GALNT18: variants seen among roughly 807,000 people sequenced by gnomAD.
The protein encoded by GALNT18 is polypeptide N-acetylgalactosaminyltransferase 18.
GALNT18 carries 44 observed loss-of-function variants against 69.5 expected under a neutral mutation model. That is an observed-to-expected ratio of 0.63 (90% CI 0.50 to 0.81). The LOEUF (loss-of-function observed/expected upper bound fraction) is 0.81, where lower values mean the gene tolerates loss of function less well. Ranked by LOEUF, GALNT18 falls within the 40% of genes least tolerant of loss-of-function variation. The pLI is 0.00. For synonymous variants in GALNT18, 364 were observed against 318.2 expected (o/e 1.14, Z -1.53); for missense variants, 715 against 810.0 (o/e 0.88, Z 1.42).
chr11:11,335,271 A>T (rs1404984224), intron 7 of GALNT18, among the ~76,000 whole-genome samples: 1 of 152,204 alleles, frequency 6.6e-6, no homozygotes, highest in Non-Finnish European at 1.5e-5. Flanking sequence ...AGGAAGCTCA[A>T]GAACTAGCCC....
chr11:11,544,582 C>T (rs1858004130), intron 1 of GALNT18, among the ~76,000 whole-genome samples: 1 of 152,194 alleles, frequency 6.6e-6, no homozygotes, highest in Non-Finnish European at 1.5e-5. Flanking sequence ...TTCTAGGATA[C>T]ATGTGCAGAA....
intron 3 of GALNT18, among the ~76,000 whole-genome samples, chr11:11,403,252 C>T (rs1010392276): frequency 6.6e-6 from 1 of 152,146 alleles, no homozygotes; most frequent in African/African-American, 2.4e-5. Context: ...ATCACATTTC[C>T]GATATGGGGT....
intron 6 of GALNT18, among the ~76,000 whole-genome samples, chr11:11,358,104 A>G (rs1850568593): frequency 1.1e-5 from 1 of 91,210 alleles, no homozygotes; most frequent in East Asian, 2.0e-4. Flanking sequence ...TCCAATTTTA[A>G]AATCTCTTCT....
chr11:11,303,003 C>T (rs1849523935), intron 9 of GALNT18, among the ~76,000 whole-genome samples: 2 of 152,212 alleles, frequency 1.3e-5, no homozygotes, highest in Non-Finnish European at 2.9e-5. Flanking sequence ...AAACCCATCC[C>T]ATTCACTTTG....
At position 11,387,496 on chromosome 11, in the gene GALNT18, T is replaced by C. The variant is rs1212459680; in HGVS notation, c.596-8232A>G. 2.0e-5 allele frequency among the ~76,000 whole-genome samples: 3 copies of C among 152,208 alleles called. No individual in the cohort carries two copies. Among genetic ancestry groups the C allele is most frequent in the Admixed American group, 6.5e-5 (1 of 15,284 alleles). ...ACTGACAAGTGCAATTAATTGCTTG[T>C]CTCCAATGGTGCTAATTTAAAGATT... On this transcript the variant is annotated intron_variant, in intron 3 of 10. Transcript: ENST00000227756. The surrounding 1 kb of genome is among the most constrained non-coding windows in gnomAD (Gnocchi z 4.6).
chr11:11,491,105 C>T (rs1856762342), intron 1 of GALNT18, among the ~76,000 whole-genome samples: 1 of 152,066 alleles, frequency 6.6e-6, no homozygotes, highest in Non-Finnish European at 1.5e-5. Context: ...CACTTCTCTC[C>T]CTGGTCCAGG....
At chr11:11,502,544 A>T (rs918028860) in intron 1 of GALNT18, among the ~76,000 whole-genome samples, 5 of 152,198 alleles carry the variant, frequency 3.3e-5, no homozygotes, top group Non-Finnish European at 7.3e-5. Context: ...GAGAAACCAG[A>T]TGTGGGCCAG....
chr11:11,429,028 G>T (rs1414693833), intron 3 of GALNT18, among the ~76,000 whole-genome samples: 2 of 152,132 alleles, frequency 1.3e-5, no homozygotes, highest in African/African-American at 2.4e-5. Context: ...CTCCTCTACA[G>T]TCAAGAATCC....
Position 11,592,298 on chromosome 11 carries a change from A to G in GALNT18, c.235+29061T>C, listed in dbSNP as rs982496144. Among the ~76,000 whole-genome samples, 1 of 152,212 alleles carries G rather than the reference A, an allele frequency of 6.6e-6. No individual in the cohort carries two copies. Among genetic ancestry groups the G allele is most frequent in the African/African-American group, 2.4e-5 (1 of 41,446 alleles). ...ATGCTAAGAAATTATATGCACGGTT[A>G]CGAAAAAAAATCAAAGATGTTTCCC... is the stretch of plus-strand genomic sequence containing the variant. On this transcript the variant is annotated intron_variant, in intron 1 of 10. Coordinates refer to ENST00000227756, the MANE Select transcript of GALNT18 (RefSeq NM_198516.3). The surrounding 1 kb of genome is among the most constrained non-coding windows in gnomAD (Gnocchi z 5.9).
At chr11:11,412,982 T>A (rs895466928) in intron 3 of GALNT18, among the ~76,000 whole-genome samples, 10 of 152,074 alleles carry the variant, frequency 6.6e-5, no homozygotes, top group Non-Finnish European at 1.5e-4. Flanking sequence ...TCAAGGGGGA[T>A]CATTCTAAGG....
At chr11:11,364,386 C>T (rs1850710186) in intron 6 of GALNT18, among the ~76,000 whole-genome samples, 1 of 152,140 alleles carries the variant, frequency 6.6e-6, no homozygotes, top group African/African-American at 2.4e-5. Context: ...AATATTCTTG[C>T]TACAAAATTA....
chr11:11,596,089 AT>A lies in GALNT18; in HGVS notation c.235+25269del, dbSNP rs1859494656. Among the ~76,000 whole-genome samples the A allele has an allele frequency of 6.6e-6, 1 of 152,176 alleles. No individual in the cohort carries two copies. Among genetic ancestry groups the A allele is most frequent in the Non-Finnish European group, 1.5e-5 (1 of 68,030 alleles). The stretch of plus-strand genomic sequence containing the variant: ...ATAGAGTGAGATGGGGGACAACTTT[AT>A]TCTTAACATGTAGATATCCAGTTGT... On this transcript the variant is annotated intron_variant, in intron 1 of 10. Coordinates refer to ENST00000227756, the MANE Select transcript of GALNT18 (RefSeq NM_198516.3). This position sits in a 1 kb window ranked among gnomAD's most constrained non-coding sequence, Gnocchi z 4.2.
intron 9 of GALNT18, among the ~76,000 whole-genome samples, chr11:11,324,979 A>G (rs188247257): frequency 1.3e-4 from 20 of 152,366 alleles, no homozygotes; most frequent in African/African-American, 4.6e-4. Context: ...TAGAACTACC[A>G]TTTGATCCAG....
At chr11:11,462,835 T>G (rs542491308) in intron 1 of GALNT18, among the ~76,000 whole-genome samples, 11 of 152,206 alleles carry the variant, frequency 7.2e-5, no homozygotes, top group African/African-American at 2.6e-4. Context: ...TCATTCCTGC[T>G]CAGTGCTCCC....
chr11:11,355,642 A>G (rs577673618), intron 6 of GALNT18, among the ~76,000 whole-genome samples: 1 of 152,326 alleles, frequency 6.6e-6, no homozygotes, highest in African/African-American at 2.4e-5. Flanking sequence ...CCAAATAAGT[A>G]TCTGTCTTAA....
rs185727350 is a variant in GALNT18, at chr11:11,480,911, G to C, written c.236-31975C>G. On this transcript the variant is annotated intron_variant, in intron 1 of 10. Coordinates refer to ENST00000227756, the MANE Select transcript of GALNT18 (RefSeq NM_198516.3). This position sits in a 1 kb window ranked among gnomAD's most constrained non-coding sequence, Gnocchi z 4.6. Reference sequence around the variant, plus strand: ...AGGCCTTTCTTGGGAACCTCCAAGAGTGAAATGTACCTACAGCCCTGGGCA... The same window carrying C: ...AGGCCTTTCTTGGGAACCTCCAAGACTGAAATGTACCTACAGCCCTGGGCA... 6.6e-6 allele frequency among the ~76,000 whole-genome samples: 1 copy of C among 152,314 alleles called. No individual in the cohort carries two copies. The highest frequency in any genetic ancestry group is 1.9e-4 in the East Asian group (1 of 5,188).
At chr11:11,427,409 G>A (rs926783225) in intron 3 of GALNT18, among the ~76,000 whole-genome samples, 2 of 152,202 alleles carry the variant, frequency 1.3e-5, no homozygotes, top group Non-Finnish European at 2.9e-5. Flanking sequence ...AAGAGAGCTT[G>A]GGGAGACACG....
At chr11:11,544,845 C>T (rs949539713) in intron 1 of GALNT18, among the ~76,000 whole-genome samples, 2 of 152,184 alleles carry the variant, frequency 1.3e-5, no homozygotes, top group African/African-American at 4.8e-5. Context: ...AAATCTATTA[C>T]TTTGCTCAGA....
rs1306882482 is a variant in GALNT18 at position 11,469,712 on chromosome 11, C to T, written c.236-20776G>A. On this transcript the variant is annotated intron_variant, in intron 1 of 10. Coordinates refer to ENST00000227756, the MANE Select transcript of GALNT18 (RefSeq NM_198516.3). The surrounding 1 kb of genome is among the most constrained non-coding windows in gnomAD (Gnocchi z 4.2). Reference sequence around the variant, plus strand: ...TTAAGCAGATTTGCTAAAAGGTGGACTGTGAGTTGGTTGTTGGGGAATGAG... The same window carrying T: ...TTAAGCAGATTTGCTAAAAGGTGGATTGTGAGTTGGTTGTTGGGGAATGAG... Among the ~76,000 whole-genome samples, 1 of 152,156 alleles carries T rather than the reference C, an allele frequency of 6.6e-6. No homozygotes were observed. Among genetic ancestry groups the T allele is most frequent in the Non-Finnish European group, 1.5e-5 (1 of 68,026 alleles).
Sources: gnomAD v4.1 joint callset for allele counts (sites outside exome capture counted in the v4.1 genomes callset) on GRCh38, gnomAD v4.1.1 for gene constraint, Gnocchi (gnomAD v3.1) non-coding constraint, MANE v1.5 for transcripts, NCBI Gene and HGNC (gene_info 2026-07-23, HGNC 2026-07-21) for gene names.